PDE3A: variants seen among roughly 807,000 people sequenced by gnomAD.
PDE3A encodes the protein cGMP-inhibited 3',5'-cyclic phosphodiesterase 3A.
In PDE3A, 43 loss-of-function variants were observed where a neutral mutation model predicts 98.3. The ratio of observed to expected loss-of-function variants is 0.44; its 90% CI spans 0.34 to 0.56. PDE3A has a LOEUF of 0.56. PDE3A is among the 20% of genes least tolerant of loss of function. PDE3A has a pLI of 0.01. For missense variants in PDE3A, 1,427 were observed against 1,440.7 expected (o/e 0.99, Z 0.15); for synonymous variants, 663 against 567.9 (o/e 1.17, Z -2.38).
intron 9 of PDE3A, among the ~76,000 whole-genome samples, chr12:20,639,261 G>A (rs1470893436): frequency 2.0e-5 from 3 of 151,964 alleles, no homozygotes; most frequent in Admixed American, 2.0e-4. Context: ...ACAATAAAAA[G>A]ATTAAGGATA....
chr12:20,371,454 C>G (rs956955590), intron 1 of PDE3A: 2 of 981,250 alleles, frequency 2.0e-6, no homozygotes, highest in Non-Finnish European at 2.4e-6. Context: ...CTTTAGGGAG[C>G]AAGAGAATAT....
chr12:20,464,103 A>G (rs748752561), intron 1 of PDE3A, among the ~76,000 whole-genome samples: 3 of 152,162 alleles, frequency 2.0e-5, no homozygotes, highest in Non-Finnish European at 4.4e-5. Context: ...TGTTGTAATC[A>G]TTATTCTGCA....
intron 1 of PDE3A, among the ~76,000 whole-genome samples, chr12:20,514,923 G>T (rs1405697650): frequency 6.6e-6 from 1 of 152,152 alleles, no homozygotes; most frequent in African/African-American, 2.4e-5. Context: ...AACTTATAAA[G>T]AACAGAAATT....
chr12:20,494,782 A>G (rs1945889385), intron 1 of PDE3A, among the ~76,000 whole-genome samples: 2 of 152,096 alleles, frequency 1.3e-5, no homozygotes, highest in Non-Finnish European at 2.9e-5. Flanking sequence ...CCTGTAGTAG[A>G]CAATTTAGGC....
chr12:20,506,090 C>G (rs1946112461), intron 1 of PDE3A, among the ~76,000 whole-genome samples: 1 of 125,592 alleles, frequency 8.0e-6, no homozygotes, highest in Non-Finnish European at 1.6e-5. Flanking sequence ...TATGGGAACT[C>G]TAAAGGAAGG....
intron 1 of PDE3A, among the ~76,000 whole-genome samples, chr12:20,521,103 C>T (rs1228667435): frequency 6.7e-6 from 1 of 150,076 alleles, no homozygotes; most frequent in Non-Finnish European, 1.5e-5. Context: ...AAATATATTC[C>T]TGGCTAAACT....
chr12:20,493,879 C>T (rs1435226223), intron 1 of PDE3A, among the ~76,000 whole-genome samples: 1 of 152,228 alleles, frequency 6.6e-6, no homozygotes, highest in African/African-American at 2.4e-5. Context: ...ATCCGCCTGC[C>T]TCGACCTCCC....
intron 14 of PDE3A, among the ~76,000 whole-genome samples, chr12:20,653,210 A>G (rs1392498308): frequency 1.3e-5 from 2 of 152,202 alleles, no homozygotes; most frequent in East Asian, 3.8e-4. Flanking sequence ...GAATATCAGA[A>G]ACCACACAAT....
At chr12:20,645,685 G>C (rs1367804796) in intron 10 of PDE3A, among the ~76,000 whole-genome samples, 3 of 152,138 alleles carry the variant, frequency 2.0e-5, no homozygotes, top group Admixed American at 2.0e-4. Context: ...TGGGCACGTG[G>C]TTATGGTTTG....
At chr12:20,397,681 TA>T (rs1302783696) in intron 1 of PDE3A, among the ~76,000 whole-genome samples, 3 of 151,918 alleles carry the variant, frequency 2.0e-5, no homozygotes, top group Non-Finnish European at 4.4e-5. Context: ...CATTTACTTT[TA>T]AAAAAAATAG....
chr12:20,547,868 T>G (rs1942096197), intron 1 of PDE3A, among the ~76,000 whole-genome samples: 2 of 152,108 alleles, frequency 1.3e-5, no homozygotes, highest in South Asian at 4.1e-4. Context: ...GCAATCTATT[T>G]CTCATGCTAT....
At chr12:20,648,027 A>G (rs1401283968) in intron 12 of PDE3A, among the ~76,000 whole-genome samples, 1 of 151,792 alleles carries the variant, frequency 6.6e-6, no homozygotes, top group Non-Finnish European at 1.5e-5. Context: ...TTTAAAAAAA[A>G]ATTCTCTAAT....
At chr12:20,439,664 G>A (rs1375413119) in intron 1 of PDE3A, among the ~76,000 whole-genome samples, 1 of 152,152 alleles carries the variant, frequency 6.6e-6, no homozygotes, top group Non-Finnish European at 1.5e-5. Flanking sequence ...GCATATTTCT[G>A]TCTTTACCTT....
chr12:20,390,365 G>A (rs4762752), intron 1 of PDE3A, among the ~76,000 whole-genome samples: 116,710 of 151,008 alleles, frequency 0.77, 45,399 homozygotes, highest in East Asian at 0.98. Context: ...AAATGGACAC[G>A]AGGAGGCATT....
chr12:20,577,418 A>C (rs1216037807), intron 2 of PDE3A, among the ~76,000 whole-genome samples: 1 of 152,212 alleles, frequency 6.6e-6, no homozygotes, highest in Non-Finnish European at 1.5e-5. Context: ...TTTTAAGTAA[A>C]GAAGGTTTGC....
intron 1 of PDE3A, among the ~76,000 whole-genome samples, chr12:20,502,123 G>C (rs1418521317): frequency 6.6e-6 from 1 of 152,088 alleles, no homozygotes; most frequent in East Asian, 1.9e-4. Context: ...GATGTATTTT[G>C]TATGAATTAC....
intron 2 of PDE3A, among the ~76,000 whole-genome samples, chr12:20,592,134 A>G (rs1044088603): frequency 6.6e-6 from 1 of 152,166 alleles, no homozygotes; most frequent in African/African-American, 2.4e-5. Context: ...AGGTTACATT[A>G]CTGAAAGCTG....
intron 1 of PDE3A, among the ~76,000 whole-genome samples, chr12:20,376,257 A>G (rs1035825983): frequency 2.6e-5 from 4 of 151,872 alleles, no homozygotes; most frequent in African/African-American, 9.7e-5. Flanking sequence ...AGAGAAGGAA[A>G]CTGAGAGTTA....
intron 15 of PDE3A, among the ~76,000 whole-genome samples, chr12:20,669,002 A>G (rs1945396925): frequency 6.6e-6 from 1 of 150,820 alleles, no homozygotes; most frequent in East Asian, 2.0e-4. Context: ...AGAAGTGCTT[A>G]AAGGAGCTGA....
Sources: gnomAD v4.1 joint callset for allele counts (sites outside exome capture counted in the v4.1 genomes callset) on GRCh38, gnomAD v4.1.1 for gene constraint, MANE v1.5 for transcripts, NCBI Gene and HGNC (gene_info 2026-07-23, HGNC 2026-07-21) for gene names.